COMMD1: variants seen among roughly 807,000 people sequenced by gnomAD.
COMMD1 encodes the protein COMM domain-containing protein 1.
Under a neutral mutation model 17.2 loss-of-function variants are expected in COMMD1, and 10 were observed. The observed-to-expected ratio is 0.58, with a 90% CI of 0.36 to 0.99. The LOEUF (loss-of-function observed/expected upper bound fraction) is 0.99. Among genes scored for constraint, COMMD1 ranks in the 50% least tolerant of loss-of-function variants. The probability of loss-of-function intolerance (pLI) is 0.01; values close to 1 mark genes in which losing one functional copy is unlikely to be tolerated. For synonymous variants in COMMD1, 97 were observed against 91.6 expected (o/e 1.06, Z -0.34); for missense variants, 270 against 231.8 (o/e 1.17, Z -1.07).
chr2:62,119,280 A>G (rs540417968), intron 2 of COMMD1, among the ~76,000 whole-genome samples: 10 of 152,338 alleles, frequency 6.6e-5, no homozygotes, highest in Admixed American at 4.6e-4. Flanking sequence ...CTCCAGATCT[A>G]TGAGAAATAA....
chr2:62,054,052 A>G (rs1670618107), intron 2 of COMMD1, among the ~76,000 whole-genome samples: 1 of 152,238 alleles, frequency 6.6e-6, no homozygotes. Flanking sequence ...ACATGAATAG[A>G]CATTTTTCAA....
chr2:61,976,066 A>G (rs1370998029), intron 1 of COMMD1, among the ~76,000 whole-genome samples: 2 of 152,160 alleles, frequency 1.3e-5, no homozygotes, highest in East Asian at 1.9e-4. Flanking sequence ...GAATTCTCCA[A>G]CTATAAAAGT....
At chr2:61,902,553 T>C (rs1185415639), upstream of COMMD1, among the ~76,000 whole-genome samples, 1 of 151,066 alleles carries the variant, frequency 6.6e-6, no homozygotes, top group Non-Finnish European at 1.5e-5. Context: ...GAAACCCCTA[T>C]AGAAAATGGA....
chr2:62,134,063 A>G (rs1573224090), intron 2 of COMMD1, among the ~76,000 whole-genome samples: 1 of 152,190 alleles, frequency 6.6e-6, no homozygotes, highest in East Asian at 1.9e-4. Context: ...CAGCCTCCCA[A>G]AATGCTGGGG....
At chr2:61,925,729 T>A (rs1670313584) in intron 1 of COMMD1, among the ~76,000 whole-genome samples, 1 of 152,204 alleles carries the variant, frequency 6.6e-6, no homozygotes, top group South Asian at 2.1e-4. Flanking sequence ...CTCATTTTAA[T>A]GTCTCTCTGG....
At chr2:61,988,229 G>A (rs888188709) in intron 1 of COMMD1, among the ~76,000 whole-genome samples, 3 of 152,048 alleles carry the variant, frequency 2.0e-5, no homozygotes, top group African/African-American at 7.2e-5. Flanking sequence ...TCAAGCAGGA[G>A]TCTCTCCCCA....
intron 2 of COMMD1, among the ~76,000 whole-genome samples, chr2:62,093,784 A>T (rs563923026): frequency 6.6e-6 from 1 of 152,170 alleles, no homozygotes; most frequent in Non-Finnish European, 1.5e-5. Flanking sequence ...CCCATTTCAT[A>T]TGGGTTATTC....
chr2:62,070,590 A>G (rs1402234859), intron 2 of COMMD1, among the ~76,000 whole-genome samples: 1 of 151,936 alleles, frequency 6.6e-6, no homozygotes. Flanking sequence ...AGAAAAGGAA[A>G]CAAAGTATTT....
rs67886279 is a variant in COMMD1 at position 62,014,542 on chromosome 2, C to CTTTTTTTTTTTTT, written c.462+13585_462+13597dup. On this transcript the variant is annotated intron_variant, in intron 2 of 2. Coordinates refer to ENST00000311832, the MANE Select transcript of COMMD1 (RefSeq NM_152516.4). ...CATAACAAAATTTTACCATTTTAAC[C>CTTTTTTTTTTTTT]TTTTTTTTTTTTTTTTTTTTTTTTT... Among the ~76,000 whole-genome samples the CTTTTTTTTTTTTT allele has an allele frequency of 1.9e-4, 12 of 63,568 alleles. 1 individual carries two copies. Among genetic ancestry groups the CTTTTTTTTTTTTT allele is most frequent in the East Asian group, 6.4e-4 (1 of 1,568 alleles). 41.7% of individuals were successfully genotyped at this position (63,568 alleles called of 152,430 possible).
At chr2:62,055,825 G>A (rs6741703) in intron 2 of COMMD1, among the ~76,000 whole-genome samples, 19,333 of 152,202 alleles carry the variant, frequency 0.13, 3,026 homozygotes, top group African/African-American at 0.37. Context: ...TGAATTGATT[G>A]AATAGAGGAT....
At chr2:61,951,789 C>T (rs573450864) in intron 1 of COMMD1, among the ~76,000 whole-genome samples, 92 of 152,278 alleles carry the variant, frequency 6.0e-4, no homozygotes, top group African/African-American at 2.1e-3. Flanking sequence ...AAATTTCGCC[C>T]TTGATTCTCC....
At chr2:61,928,388 TG>T (rs1670380996) in intron 1 of COMMD1, among the ~76,000 whole-genome samples, 2 of 152,126 alleles carry the variant, frequency 1.3e-5, no homozygotes, top group African/African-American at 4.8e-5. Flanking sequence ...CTCAAACTCC[TG>T]GACTCAAGTG....
intron 2 of COMMD1, among the ~76,000 whole-genome samples, chr2:62,044,786 T>G (rs947999330): frequency 6.7e-6 from 1 of 148,784 alleles, no homozygotes; most frequent in East Asian, 2.0e-4. Flanking sequence ...CAGGTGAGAA[T>G]GAGATTCTGA....
intron 1 of COMMD1, among the ~76,000 whole-genome samples, chr2:61,977,432 T>C (rs1022253859): frequency 4.6e-5 from 7 of 150,814 alleles, no homozygotes; most frequent in Non-Finnish European, 8.9e-5. Flanking sequence ...TTAGCATAGA[T>C]GGGGTTTCTT....
intron 1 of COMMD1, among the ~76,000 whole-genome samples, chr2:61,936,507 C>G (rs1199637537): frequency 1.3e-5 from 2 of 152,150 alleles, no homozygotes; most frequent in Non-Finnish European, 2.9e-5. Context: ...TGCCAAACAA[C>G]ATTTTAAGAT....
At chr2:62,061,692 A>G (rs1670863300) in intron 2 of COMMD1, among the ~76,000 whole-genome samples, 1 of 151,058 alleles carries the variant, frequency 6.6e-6, no homozygotes, top group African/African-American at 2.4e-5. Flanking sequence ...AGTAGCCGGG[A>G]CTACAGGCGC....
intron 2 of COMMD1, among the ~76,000 whole-genome samples, chr2:62,005,056 C>T (rs1669072666): frequency 6.6e-6 from 1 of 152,200 alleles, no homozygotes; most frequent in Non-Finnish European, 1.5e-5. Context: ...ATAAGAATCA[C>T]ATTCAGAGCT....
At chr2:62,100,736 A>C (rs1184827579) in intron 2 of COMMD1, among the ~76,000 whole-genome samples, 1 of 152,206 alleles carries the variant, frequency 6.6e-6, no homozygotes, top group Non-Finnish European at 1.5e-5. Context: ...CTGCCCTCAG[A>C]GACAATAGAT....
upstream of COMMD1, among the ~76,000 whole-genome samples, chr2:61,904,981 G>A (rs1669735148): frequency 6.6e-6 from 1 of 152,132 alleles, no homozygotes; most frequent in African/African-American, 2.4e-5. Flanking sequence ...CTGTTTTTAA[G>A]TCTCATTCAC....
Sources: gnomAD v4.1 joint callset for allele counts (sites outside exome capture counted in the v4.1 genomes callset) on GRCh38, gnomAD v4.1.1 for gene constraint, MANE v1.5 for transcripts, NCBI Gene and HGNC (gene_info 2026-07-23, HGNC 2026-07-21) for gene names.